The following RP1 variants were observed in gnomAD, a reference collection of about 807,000 sequenced individuals.
RP1 encodes the protein oxygen-regulated protein 1.
RP1 carries 16 observed loss-of-function variants against 14.8 expected under a neutral mutation model. That is an observed-to-expected ratio of 1.08 (90% CI 0.73 to 1.65). RP1 has a LOEUF of 1.65. Ranked by LOEUF, RP1 falls within the 40% of genes most tolerant of loss-of-function variation. The probability of loss-of-function intolerance (pLI) is 0.00; values close to 1 mark genes in which losing one functional copy is unlikely to be tolerated. For synonymous variants in RP1, 876 were observed against 883.6 expected, an observed-to-expected ratio of 0.99 and a Z score of 0.15; for missense variants, 2,631 against 2,535.0, an observed-to-expected ratio of 1.04 and a Z score of -0.81.
chr8:54,674,994 C>G (rs560574898), intron 8 of RP1, among the ~76,000 whole-genome samples: 12 of 152,242 alleles, frequency 7.9e-5, no homozygotes, highest in African/African-American at 2.9e-4. Context: ...TAGTGTTTTA[C>G]TACAATATTG....
intron 20 of RP1, chr8:54,755,564 A>T: frequency 6.6e-7 from 1 of 1,511,334 alleles, no homozygotes; most frequent in East Asian, 2.5e-5. Context: ...TTCTGTTTGT[A>T]TGGATTTCAA....
At chr8:54,841,167 G>A (rs1811781672) in intron 25 of RP1, among the ~76,000 whole-genome samples, 1 of 152,116 alleles carries the variant, frequency 6.6e-6, no homozygotes, top group African/African-American at 2.4e-5. Flanking sequence ...AGCCCACAGT[G>A]GTTTCAGACC....
At chr8:54,787,167 A>C (rs902333792) in intron 24 of RP1, among the ~76,000 whole-genome samples, 1 of 152,168 alleles carries the variant, frequency 6.6e-6, no homozygotes, top group Non-Finnish European at 1.5e-5. Context: ...GTTCAGCTCT[A>C]TGGTTGCACC....
At chr8:54,735,250 T>A (rs1808890299) in intron 18 of RP1, among the ~76,000 whole-genome samples, 1 of 152,232 alleles carries the variant, frequency 6.6e-6, no homozygotes, top group South Asian at 2.1e-4. Context: ...GCTTTGCCCA[T>A]GCCCATTTCT....
chr8:54,759,009 T>A (rs1809573493), exon 22 of RP1: 1 of 1,535,474 alleles, frequency 6.5e-7, no homozygotes, highest in Non-Finnish European at 8.7e-7. Context: ...ATCACAGTAC[T>A]GGTACTGTGA....
chr8:54,596,302 T>C (rs1234751863), intron 1 of RP1, among the ~76,000 whole-genome samples: 3 of 152,204 alleles, frequency 2.0e-5, no homozygotes, highest in Admixed American at 2.0e-4. Context: ...TAGACTCTCT[T>C]GTCCATTATA....
intron 24 of RP1, among the ~76,000 whole-genome samples, chr8:54,815,294 A>G (rs10958429): frequency 0.29 from 43,871 of 152,090 alleles, 6,684 homozygotes; most frequent in South Asian, 0.37. Flanking sequence ...AAATATGCAA[A>G]ATTTTTGCAA....
In RP1 at chr8:54,627,335, C is replaced by G. The variant is rs1164609357; in HGVS notation, c.3453C>G (p.His1151Gln). The G allele has an allele frequency of 1.2e-6, 2 of 1,614,014 alleles. No individual in the cohort carries two copies. The highest frequency in any genetic ancestry group is 1.3e-5 in the African/African-American group (1 of 74,940). Residue 1151 changes from histidine (H) to glutamine (Q), a missense_variant, in exon 4 of 4, where the codon CAC becomes CAG. By Grantham distance (24) the His-to-Gln change is conservative (BLOSUM62 0). Transcript: ENST00000220676. Reference protein sequence around the residue: ...SMNSFCQVDAHKATNKSSETL... With the variant: ...SMNSFCQVDAQKATNKSSETL... Reference sequence around the variant, plus strand: ...ATAGCTTCTGTCAAGTTGATGCTCACAAGGCTACCAACAAATCTTCAGAAA... The same window carrying G: ...ATAGCTTCTGTCAAGTTGATGCTCAGAAGGCTACCAACAAATCTTCAGAAA...
rs375004458 is a variant in RP1 at position 54,628,884 on chromosome 8, A to C, written c.5002A>C (p.Arg1668=). 1 of 1,614,112 alleles carries C rather than the reference A, an allele frequency of 6.2e-7. No homozygotes were observed. The highest frequency in any genetic ancestry group is 2.2e-5 in the East Asian group (1 of 44,884). Residue 1668 remains arginine (R), a synonymous_variant, in exon 4 of 4, where the codon AGG becomes CGG. Transcript: ENST00000220676. ...PYNSVEFQCS[R]KASLYDSEGQ... ...TAATTCTGTGGAATTTCAGTGTTCC[A>C]GGAAAGCAAGTCTTTATGATTCTGA...
Position 54,625,172 on chromosome 8 carries a change from G to A in RP1, c.1290G>A (p.Val430=), listed in dbSNP as rs375913075. Residue 430 remains valine (V), a synonymous_variant, in exon 4 of 4, where the codon GTG becomes GTA. Coordinates refer to ENST00000220676, the MANE Select transcript of RP1 (RefSeq NM_006269.2). The part of the protein sequence containing the change: ...CSSASWENAT[V]DTDIIQGTQD... ...CTGCTAGTTGGGAGAATGCTACTGT[G>A]GACACAGATATCATCCAGGGAACTC... 1 of 1,614,030 alleles carries A rather than the reference G, an allele frequency of 6.2e-7. No individual in the cohort carries two copies. The highest frequency in any genetic ancestry group is 1.3e-5 in the African/African-American group (1 of 74,912).
chr8:54,572,678 C>T (rs149567433), intron 1 of RP1, among the ~76,000 whole-genome samples: 26 of 152,196 alleles, frequency 1.7e-4, no homozygotes, highest in East Asian at 7.7e-4. Flanking sequence ...TGCCTCTGCA[C>T]GGAAGAAACA....
intron 7 of RP1, among the ~76,000 whole-genome samples, chr8:54,671,894 T>G (rs1485261524): frequency 6.6e-6 from 1 of 152,154 alleles, no homozygotes; most frequent in African/African-American, 2.4e-5. Context: ...TTTGTAGGCT[T>G]TGTGATCTTT....
At chr8:54,671,933 A>G (rs941598939) in intron 7 of RP1, among the ~76,000 whole-genome samples, 7 of 152,248 alleles carry the variant, frequency 4.6e-5, no homozygotes, top group Non-Finnish European at 1.0e-4. Context: ...TAGAAATACA[A>G]CCATACCTCA....
At chr8:54,611,172 C>G (rs1044959183), upstream of RP1, among the ~76,000 whole-genome samples, 4 of 152,152 alleles carry the variant, frequency 2.6e-5, no homozygotes, top group Admixed American at 2.6e-4. Flanking sequence ...TATTTCAGTG[C>G]AGGTCTCTTG....
chr8:54,626,928 T>G lies in RP1; in HGVS notation c.3046T>G (p.Tyr1016Asp). 1 of 1,613,964 alleles carries G rather than the reference T, an allele frequency of 6.2e-7. No individual in the cohort carries two copies. The highest frequency in any genetic ancestry group is 8.5e-7 in the Non-Finnish European group (1 of 1,179,950). Residue 1016 changes from tyrosine (Y) to aspartate (D), a missense_variant, in exon 4 of 4, where the codon TAT (tyrosine) becomes GAT (aspartate). Transcript: ENST00000220676. ...ETQVGSLNDA[Y>D]LVPLHEHCTL... The stretch of plus-strand genomic sequence containing the variant: ...ACAGGTTGGATCTCTGAATGATGCT[T>G]ATTTGGTTCCCCTGCATGAACACTG...
rs1019360189 is a variant in RP1, at chr8:54,581,962, C to T, written c.-13+22642C>T. 1.3e-5 allele frequency among the ~76,000 whole-genome samples: 2 copies of T among 152,190 alleles called. 1 individual carries two copies. Among genetic ancestry groups the T allele is most frequent in the Non-Finnish European group, 2.9e-5 (2 of 68,042 alleles). Reference sequence around the variant, plus strand: ...TCCCATTCTGTAGGTTGCCTGTTCACTCTGATGGTAGTTTCTTCTGCTGTG... The same window carrying T: ...TCCCATTCTGTAGGTTGCCTGTTCATTCTGATGGTAGTTTCTTCTGCTGTG... On this transcript the variant is annotated intron_variant, in intron 1 of 22. Transcript: ENST00000636932.
chr8:54,694,443 T>C (rs1196589272), intron 12 of RP1, among the ~76,000 whole-genome samples: 2 of 152,230 alleles, frequency 1.3e-5, no homozygotes, highest in Non-Finnish European at 2.9e-5. Context: ...TGAATCCATC[T>C]GATCCTGGAC....
chr8:54,767,173 T>C (rs1160509162), intron 22 of RP1, among the ~76,000 whole-genome samples: 2 of 152,196 alleles, frequency 1.3e-5, no homozygotes, highest in Non-Finnish European at 1.5e-5. Flanking sequence ...TATTTTACCA[T>C]AATACATTTA....
intron 16 of RP1, among the ~76,000 whole-genome samples, chr8:54,724,004 T>C (rs1174145864): frequency 6.6e-6 from 1 of 152,206 alleles, no homozygotes; most frequent in Non-Finnish European, 1.5e-5. Context: ...ACTGAAGATA[T>C]GGTTCAGATG....
Sources: allele counts gnomAD v4.1 joint callset (sites outside exome capture counted in the v4.1 genomes callset), GRCh38; gene constraint gnomAD v4.1.1; transcripts MANE v1.5; gene names NCBI Gene and HGNC (gene_info 2026-07-23, HGNC 2026-07-21).